The following ADGRF3 variants were observed in gnomAD, a reference collection of about 807,000 sequenced individuals.
ADGRF3 encodes adhesion G protein-coupled receptor F3.
ADGRF3 carries 85 observed loss-of-function variants against 93.2 expected under a neutral mutation model. The observed-to-expected ratio is 0.91, with a 90% CI of 0.77 to 1.09. The LOEUF is 1.09. Ranked by LOEUF, ADGRF3 falls within the 50% of genes least tolerant of loss-of-function variation. The pLI is 0.00. For synonymous variants in ADGRF3, 534 were observed against 532.5 expected, an observed-to-expected ratio of 1.00 and a Z score of -0.04; for missense variants, 1,125 against 1,246.2, an observed-to-expected ratio of 0.90 and a Z score of 1.46.
At chr2:26,339,114 CAAAA>C (rs61584458) in intron 1 of ADGRF3, among the ~76,000 whole-genome samples, 3 of 39,662 alleles carry the variant, frequency 7.6e-5, no homozygotes, top group South Asian at 1.1e-3. Flanking sequence ...GACTCCGTCA[CAAAA>C]AAAAAAAAAA....
chr2:26,331,243 G>A (rs1039438796), intron 1 of ADGRF3, among the ~76,000 whole-genome samples: 38 of 152,112 alleles, frequency 2.5e-4, no homozygotes, highest in African/African-American at 8.9e-4. Flanking sequence ...GCTTTTGTAA[G>A]TGTTCTGTAT....
At chr2:26,317,992 C>T (rs1463911313) in intron 1 of ADGRF3, 1 of 1,515,274 alleles carries the variant, frequency 6.6e-7, no homozygotes, top group Admixed American at 2.0e-5. Context: ...TCTTTGGTTC[C>T]TGTACATTAT....
At chr2:26,314,352 G>T in intron 6 of ADGRF3, 62 bp downstream of exon 6, 1 of 1,487,114 alleles carries the variant, frequency 6.7e-7, no homozygotes, top group Non-Finnish European at 9.2e-7. Flanking sequence ...AGACCCAGCT[G>T]CCTGGAAGAG....
intron 1 of ADGRF3, among the ~76,000 whole-genome samples, chr2:26,319,757 C>G (rs1449389673): frequency 6.6e-6 from 1 of 151,884 alleles, no homozygotes; most frequent in East Asian, 1.9e-4. Context: ...CCCTCTGTTG[C>G]CCGGGCTAGA....
At position 26,311,923 on chromosome 2, in the gene ADGRF3, G is replaced by A; in HGVS notation, c.1601C>T (p.Ala534Val). The change falls in exon 10 of 14, where the codon GCC becomes GTC. Residue 534 changes from alanine (A) to valine (V), a missense_variant. Transcript: ENST00000651242. ...CSLCPQDHPFAFSLPNVLLQS... is the reference protein window; with the variant it reads ...CSLCPQDHPFVFSLPNVLLQS... ...CAGCAGCACATTGGGTAAGCTGAAG[G>A]CGAAGGGGTGGTCCTGTGGGCACAG... The A allele has an allele frequency of 6.2e-7, 1 of 1,613,910 alleles. No homozygotes were observed. Among genetic ancestry groups the A allele is most frequent in the Non-Finnish European group, 8.5e-7 (1 of 1,179,850 alleles).
At chr2:26,317,134 C>T (rs1674773653) in intron 2 of ADGRF3, 79 bp from the exon 3 acceptor site, 3 of 1,453,828 alleles carry the variant, frequency 2.1e-6, no homozygotes, top group Non-Finnish European at 2.8e-6. Context: ...TCTCACCTAG[C>T]TGGCCAGTCC....
chr2:26,333,986 G>GTTT (rs35637865), intron 1 of ADGRF3, among the ~76,000 whole-genome samples: 1 of 147,134 alleles, frequency 6.8e-6, no homozygotes, highest in African/African-American at 2.5e-5. Flanking sequence ...CGCCCAGCTA[G>GTTT]TTTTTTTTTT....
At position 26,308,911 on chromosome 2, in the gene ADGRF3, G is replaced by A; in HGVS notation, c.*175C>T. ...TATTCTTGCTGGATACTTTAGAAAT[G>A]AGAAGGGGTGAGCTGTAAGATAAAT... On this transcript the variant is annotated 3_prime_UTR_variant, in exon 14 of 14. Transcript: ENST00000651242. 1.3e-6 allele frequency: 1 copy of A among 769,174 alleles called. No homozygotes were observed. The allele number at this position is 769,174 out of a possible 1,614,324, so 47.6% of individuals were successfully genotyped here. A position where few individuals can be genotyped will look rare whatever the true frequency, so the allele number is the denominator to read the frequency against.
chr2:26,311,924 C>A lies in ADGRF3; in HGVS notation c.1600G>T (p.Ala534Ser). Residue 534 changes from alanine (A) to serine (S), a missense_variant, in exon 10 of 14, where the codon GCC becomes TCC. By Grantham distance (99) the Ala-to-Ser change is moderately conservative. Coordinates refer to ENST00000651242, the MANE Select transcript of ADGRF3 (RefSeq NM_001321971.2). ...AGCAGCACATTGGGTAAGCTGAAGG[C>A]GAAGGGGTGGTCCTGTGGGCACAGG... The part of the protein sequence containing the change: ...CSLCPQDHPF[A>S]FSLPNVLLQS... The A allele has an allele frequency of 1.2e-6, 2 of 1,613,824 alleles. No individual in the cohort carries two copies. The highest frequency in any genetic ancestry group is 1.3e-5 in the African/African-American group (1 of 75,030).
rs139522210 is a variant in ADGRF3 at position 26,311,219 on chromosome 2, G to C, written c.2305C>G (p.Arg769Gly). ...GCGGCAGCAAGGCAGAGCGGGCTTC[G>C]GGGCCCTGGAGAGAGGAATGGGGCG... ...LGAPFLSPGP[R>G]SPLCLAAAFL... The change falls in exon 10 of 14, where the codon CGA becomes GGA. Residue 769 changes from arginine (R) to glycine (G), a missense_variant. Transcript: ENST00000651242. The C allele has an allele frequency of 4.4e-6, 7 of 1,604,472 alleles. No homozygotes were observed. The African/African-American group carries it at 5.4e-5, about 12-fold the overall frequency.
At chr2:26,321,254 A>T (rs1675134296) in intron 1 of ADGRF3, among the ~76,000 whole-genome samples, 1 of 152,268 alleles carries the variant, frequency 6.6e-6, no homozygotes, top group Middle Eastern at 3.4e-3. Flanking sequence ...TAAATAGCTG[A>T]TTTCAGAAAA....
At chr2:26,343,029 T>C (rs746462949) in intron 1 of ADGRF3, among the ~76,000 whole-genome samples, 24 of 152,230 alleles carry the variant, frequency 1.6e-4, no homozygotes, top group Non-Finnish European at 3.4e-4. Flanking sequence ...TTCAGTAGTG[T>C]ACATAATTAT....
chr2:26,344,877 C>G (rs142636345), intron 1 of ADGRF3, among the ~76,000 whole-genome samples: 1 of 152,300 alleles, frequency 6.6e-6, no homozygotes, highest in African/African-American at 2.4e-5. Flanking sequence ...ATAAGATTAT[C>G]TATTACTTTC....
intron 4 of ADGRF3, 40 bp downstream of exon 4, chr2:26,316,235 A>G: frequency 2.0e-6 from 3 of 1,534,672 alleles, no homozygotes; most frequent in Non-Finnish European, 2.6e-6. Flanking sequence ...CATTTATTTC[A>G]CTTAAGGCCA....
At chr2:26,338,449 T>C (rs13034283) in intron 1 of ADGRF3, among the ~76,000 whole-genome samples, 5,125 of 152,244 alleles carry the variant, frequency 0.034, 113 homozygotes, top group Non-Finnish European at 0.05. Flanking sequence ...TTGGGGACCA[T>C]GTCTTATTCA....
chr2:26,317,111 C>T, intron 2 of ADGRF3, 56 bp from the exon 3 acceptor site: 1 of 1,547,850 alleles, frequency 6.5e-7, no homozygotes, highest in Non-Finnish European at 8.7e-7. Context: ...ACAAGCCGGT[C>T]CCCTCTGGAT....
Position 26,310,938 on chromosome 2 carries a change from C to A in ADGRF3, c.2586G>T (p.Val862=). The change falls in exon 10 of 14, where the codon GTG becomes GTT. Residue 862 remains valine (V), a synonymous_variant. Coordinates refer to ENST00000651242, the MANE Select transcript of ADGRF3 (RefSeq NM_001321971.2). The stretch of plus-strand genomic sequence containing the variant: ...CGCCTATGATGGCCAGCACTGGCCC[C>A]ACGAAGGTGTATAACGCCCCTCCCT... ...DGKGGALYTF[V]GPVLAIIGVN... is the part of the protein sequence containing the mutation. 1 of 1,613,572 alleles carries A rather than the reference C, an allele frequency of 6.2e-7. No individual in the cohort carries two copies. Among genetic ancestry groups the A allele is most frequent in the Non-Finnish European group, 8.5e-7 (1 of 1,179,690 alleles).
Position 26,318,103 on chromosome 2 carries a change from G to C in ADGRF3, c.115-541C>G, listed in dbSNP as rs1287455467. ...CCAAAGCTAGAAGATAGGGGGATGG[G>C]GCAGGCAGGGAAGGGTCTGTCTGGT... On this transcript the variant is annotated intron_variant, in intron 1 of 13. Coordinates refer to ENST00000651242, the MANE Select transcript of ADGRF3 (RefSeq NM_001321971.2). 1.9e-5 allele frequency: 30 copies of C among 1,547,730 alleles called. No individual in the cohort carries two copies. Among genetic ancestry groups the C allele is most frequent in the Non-Finnish European group, 2.5e-5 (29 of 1,145,104 alleles).
At chr2:26,334,994 C>T (rs1355805105) in intron 1 of ADGRF3, among the ~76,000 whole-genome samples, 1 of 152,064 alleles carries the variant, frequency 6.6e-6, no homozygotes, top group Non-Finnish European at 1.5e-5. Context: ...TTTTTTCCTC[C>T]CTCACGATGT....
Sources: gnomAD v4.1 joint callset for allele counts (sites outside exome capture counted in the v4.1 genomes callset) on GRCh38, gnomAD v4.1.1 for gene constraint, MANE v1.5 for transcripts, NCBI Gene and HGNC (gene_info 2026-07-23, HGNC 2026-07-21) for gene names.